Variants in TRIP12 observed in about 807,000 individuals in gnomAD.
TRIP12 encodes the protein E3 ubiquitin-protein ligase TRIP12.
A neutral mutation model predicts 244.2 loss-of-function variants in TRIP12; 25 were observed. The observed-to-expected ratio is 0.10, with a 90% CI of 0.07 to 0.14. The LOEUF (loss-of-function observed/expected upper bound fraction) is 0.14. TRIP12 is among the 10% of genes least tolerant of loss of function. TRIP12 has a pLI of 1.00. For synonymous variants in TRIP12, 905 were observed against 873.1 expected, an observed-to-expected ratio of 1.04 and a Z score of -0.64; for missense variants, 1,677 against 2,486.4, an observed-to-expected ratio of 0.67 and a Z score of 6.92.
At chr2:229,865,979 A>G (rs561190516) in intron 2 of TRIP12, among the ~76,000 whole-genome samples, 1 of 152,350 alleles carries the variant, frequency 6.6e-6, no homozygotes, top group East Asian at 1.9e-4. Flanking sequence ...CCTAGGAAGC[A>G]TTCTGGAAAC....
chr2:229,786,978 G>A (rs529896760), intron 33 of TRIP12, among the ~76,000 whole-genome samples: 61 of 152,330 alleles, frequency 4.0e-4, no homozygotes, highest in African/African-American at 5.5e-4. Context: ...TCAGGGCCCC[G>A]TGGTTCAGAG....
rs563088193 is a variant in TRIP12 at position 229,860,416 on chromosome 2, G to C, written c.214C>G (p.Leu72Val). The change falls in exon 3 of 42, where the codon CTT (leucine) becomes GTT (valine). Residue 72 changes from leucine to valine, a missense_variant. This residue lies in a region of TRIP12 where 387 missense variants were observed against 392.6 expected (regional missense o/e 0.99). Coordinates refer to ENST00000675903, the MANE Select transcript of TRIP12 (RefSeq NM_001348323.3). ...NTTSELSRGH[L>V]SKRSCSSSSA... Reference sequence around the variant, plus strand: ...AACATGAAGATTTACCTTTTAGAAAGGTGTCCCCTTGACAGTTCAGAAGTA... The same window carrying C: ...AACATGAAGATTTACCTTTTAGAAACGTGTCCCCTTGACAGTTCAGAAGTA... The C allele has an allele frequency of 2.5e-6, 4 of 1,594,062 alleles. No homozygotes were observed. The highest frequency in any genetic ancestry group is 3.4e-6 in the Non-Finnish European group (4 of 1,171,360).
rs2064324001 is a variant in TRIP12, at chr2:229,879,276, C to T, written c.98+706G>A. 1.3e-5 allele frequency among the ~76,000 whole-genome samples: 2 copies of T among 152,088 alleles called. 1 individual carries two copies. Among genetic ancestry groups the T allele is most frequent in the South Asian group, 4.1e-4 (2 of 4,830 alleles). Reference sequence around the variant, plus strand: ...AAAACAAAAAAATTTAACAATTATCCATCACAAGCTAAACGTAATCAATGT... The same window carrying T: ...AAAACAAAAAAATTTAACAATTATCTATCACAAGCTAAACGTAATCAATGT... On this transcript the variant is annotated intron_variant, in intron 2 of 41. Transcript: ENST00000675903.
chr2:229,843,421 AAAAC>A (rs973649688), intron 4 of TRIP12, among the ~76,000 whole-genome samples: 36 of 152,282 alleles, frequency 2.4e-4, no homozygotes, highest in African/African-American at 8.4e-4. Context: ...ACGTATCTAT[AAAAC>A]AAACAAACAA....
chr2:229,836,605 T>C (rs1052242316), intron 6 of TRIP12, among the ~76,000 whole-genome samples: 1 of 152,216 alleles, frequency 6.6e-6, no homozygotes, highest in South Asian at 2.1e-4. Context: ...CTAGTCAATA[T>C]ATAAAAAGCT....
intron 2 of TRIP12, among the ~76,000 whole-genome samples, chr2:229,878,758 A>G (rs1367239186): frequency 2.0e-5 from 3 of 151,326 alleles, no homozygotes; most frequent in African/African-American, 7.3e-5. Flanking sequence ...ATTTTTTTGT[A>G]TTTTTGGTAG....
Position 229,793,130 on chromosome 2 carries a change from T to C in TRIP12, c.3984A>G (p.Arg1328=). Residue 1328 remains arginine (R), a synonymous_variant, in exon 27 of 42, where the codon AGA becomes AGG. Coordinates refer to ENST00000675903, the MANE Select transcript of TRIP12 (RefSeq NM_001348323.3). ...NGTGGSFSLN[R]GSQALKFFNT... ...TGAAAAATTTTAAAGCCTGTGATCC[T>C]CTGTTGAGAGAAAAGCTCAAGATAA... 1.2e-6 allele frequency: 2 copies of C among 1,612,202 alleles called. No homozygotes were observed. Among genetic ancestry groups the C allele is most frequent in the Non-Finnish European group, 1.7e-6 (2 of 1,179,378 alleles).
chr2:229,805,089 T>C (rs1294218896), intron 18 of TRIP12, among the ~76,000 whole-genome samples: 1 of 152,012 alleles, frequency 6.6e-6, no homozygotes, highest in Admixed American at 6.6e-5. Context: ...GTATTTTTAG[T>C]AGAGATAGGG....
intron 1 of TRIP12, among the ~76,000 whole-genome samples, chr2:229,886,296 C>T (rs2065994294): frequency 6.6e-6 from 1 of 152,034 alleles, no homozygotes; most frequent in South Asian, 2.1e-4. Flanking sequence ...AAATTTACTG[C>T]CTTTTTTTCC....
chr2:229,872,104 TAAAAA>T (rs34496202), intron 2 of TRIP12, among the ~76,000 whole-genome samples: 14 of 105,264 alleles, frequency 1.3e-4, no homozygotes, highest in Non-Finnish European at 2.3e-4. Flanking sequence ...ACAGATATTG[TAAAAA>T]AAAAAAAAAA....
At chr2:229,865,656 C>T (rs146408417) in intron 2 of TRIP12, among the ~76,000 whole-genome samples, 2 of 152,078 alleles carry the variant, frequency 1.3e-5, no homozygotes, top group East Asian at 3.9e-4. Context: ...TGCTTTTCTA[C>T]TTTAAATACA....
At chr2:229,916,026 G>A (rs953067494) in intron 1 of TRIP12, among the ~76,000 whole-genome samples, 1 of 152,112 alleles carries the variant, frequency 6.6e-6, no homozygotes. Context: ...ATATAACAGA[G>A]GTATGTTCGA....
chr2:229,863,176 C>A (rs1418783464), intron 2 of TRIP12, among the ~76,000 whole-genome samples: 1 of 151,004 alleles, frequency 6.6e-6, no homozygotes, highest in Non-Finnish European at 1.5e-5. Flanking sequence ...TTGCAGTGAG[C>A]CGCGATCGTG....
chr2:229,799,739 C>T (rs1167200077), intron 21 of TRIP12, among the ~76,000 whole-genome samples: 1 of 151,070 alleles, frequency 6.6e-6, no homozygotes, highest in African/African-American at 2.4e-5. Context: ...AGCGCCACTG[C>T]ACTCCAGCCT....
intron 4 of TRIP12, among the ~76,000 whole-genome samples, chr2:229,849,977 A>C (rs962234483): frequency 2.6e-5 from 4 of 152,152 alleles, no homozygotes; most frequent in Non-Finnish European, 4.4e-5. Flanking sequence ...TGAAATTAAA[A>C]GTGATTTTGT....
At chr2:229,852,946 G>T (rs10933311) in intron 4 of TRIP12, among the ~76,000 whole-genome samples, 37,566 of 152,108 alleles carry the variant, frequency 0.25, 5,668 homozygotes, top group Middle Eastern at 0.42. Flanking sequence ...GGGTTAAGAA[G>T]TTACTGCAAG....
Position 229,868,883 on chromosome 2 carries a change from G to C in TRIP12, c.99-8352C>G, listed in dbSNP as rs546049014. 5.3e-5 allele frequency among the ~76,000 whole-genome samples: 8 copies of C among 152,296 alleles called. No homozygotes were observed. In the South Asian group the frequency reaches 1.5e-3, roughly 28 times the overall value. ...TATTCTGTTTTTCCTTTTTCTAGAT[G>C]CAAGGTAGGATGGTACTTGTCCAAC... On this transcript the variant is annotated intron_variant, in intron 2 of 41. Coordinates refer to ENST00000675903, the MANE Select transcript of TRIP12 (RefSeq NM_001348323.3).
chr2:229,919,040 T>C (rs2076011504), intron 1 of TRIP12, among the ~76,000 whole-genome samples: 1 of 152,196 alleles, frequency 6.6e-6, no homozygotes, highest in Non-Finnish European at 1.5e-5. Flanking sequence ...GCCAGTGATG[T>C]TTTCCTTGCT....
intron 1 of TRIP12, among the ~76,000 whole-genome samples, chr2:229,889,283 T>C (rs1330823845): frequency 6.6e-6 from 1 of 152,194 alleles, no homozygotes; most frequent in Admixed American, 6.5e-5. Flanking sequence ...AGGTCCAAAA[T>C]AGACCAAAAA....
Sources: gnomAD v4.1 joint callset for allele counts (sites outside exome capture counted in the v4.1 genomes callset) on GRCh38, gnomAD v4.1.1 for gene constraint, gnomAD v4.1.1 regional missense constraint, MANE v1.5 for transcripts, NCBI Gene and HGNC (gene_info 2026-07-23, HGNC 2026-07-21) for gene names.